Variants in OR5H1 observed in about 807,000 individuals in gnomAD.
The protein encoded by OR5H1 is olfactory receptor family 5 subfamily H member 1.
For missense variants in OR5H1, 378 were observed against 366.8 expected (o/e 1.03, Z -0.25); for synonymous variants, 124 against 134.4 (o/e 0.92, Z 0.54).
Position 98,133,855 on chromosome 3 carries a change from G to A in OR5H1, c.*216G>A. On this transcript the variant is annotated 3_prime_UTR_variant, in exon 2 of 2. Transcript: ENST00000641874. ...TGTTCATAATAGAATAATGACTGTA[G>A]AAATCAAATAAAACTATTTAACAGT... 1 of 449,116 alleles carries A rather than the reference G, an allele frequency of 2.2e-6. No individual in the cohort carries two copies. 27.8% of individuals were successfully genotyped at this position (449,116 alleles called of 1,614,324 possible).
At position 98,132,852 on chromosome 3, in the gene OR5H1, A is replaced by G. The variant is rs1217074465; in HGVS notation, c.155A>G (p.Asp52Gly). The stretch of plus-strand genomic sequence containing the variant: ...GGTCTGATTGCTGTCATCTGGAAAG[A>G]CCCTCACCTTCATATCCCAATGTAC... ...NLGLIAVIWK[D>G]PHLHIPMYLL... is the part of the protein sequence containing the mutation. Residue 52 changes from aspartate (D) to glycine (G), a missense_variant, in exon 2 of 2, where the codon GAC becomes GGC. By Grantham distance (94) the Asp-to-Gly change is moderately conservative. Transcript: ENST00000641874. 1.2e-6 allele frequency: 2 copies of G among 1,613,350 alleles called. No homozygotes were observed. The highest frequency in any genetic ancestry group is 4.5e-5 in the East Asian group (2 of 44,856).
chr3:98,132,531 G>T, intron 1 of OR5H1, 149 bp from the exon 2 acceptor site: 2 of 854,672 alleles, frequency 2.3e-6, no homozygotes, highest in South Asian at 3.7e-5. Context: ...TGTCTTTATT[G>T]CAACAAATAG....
At chr3:98,130,890 A>G (rs1708248693) in intron 1 of OR5H1, 40 bp downstream of exon 1, 1 of 152,120 alleles carries the variant, frequency 6.6e-6, no homozygotes, top group African/African-American at 2.4e-5. Context: ...ATTATAATTT[A>G]TAGAAATGTT....
Position 98,133,047 on chromosome 3 carries a change from C to T in OR5H1, c.350C>T (p.Thr117Met), listed in dbSNP as rs774249225. 1.5e-5 allele frequency: 24 copies of T among 1,613,588 alleles called. No individual in the cohort carries two copies. The highest frequency in any genetic ancestry group is 3.3e-5 in the South Asian group (3 of 91,066). ...SVTTECFLLATMAYDRYVAIC... is the reference protein window; with the variant it reads ...SVTTECFLLAMMAYDRYVAIC... ...ACCACGGAATGTTTTCTCTTGGCAA[C>T]GATGGCATATGATCGCTATGTAGCC... The change falls in exon 2 of 2, where the codon ACG becomes ATG. Residue 117 changes from threonine to methionine, a missense_variant. By Grantham distance (81) the Thr-to-Met change is moderately conservative. Transcript: ENST00000641874.
In OR5H1 at chr3:98,136,938, A is replaced by G. The variant is rs1708326298; in HGVS notation, c.*3299A>G. 6.6e-6 allele frequency: 1 copy of G among 152,198 alleles called. No individual in the cohort carries two copies. 9.4% of individuals were successfully genotyped at this position (152,198 alleles called of 1,614,324 possible). ...AACACCTTTTACTTATAAATTACCC[A>G]GCCTCAAGAATTTCTTTATTGCAAC... On this transcript the variant is annotated 3_prime_UTR_variant, in exon 2 of 2. Coordinates refer to ENST00000641874, the MANE Select transcript of OR5H1 (RefSeq NM_001005338.2).
Position 98,136,971 on chromosome 3 carries a change from G to A in OR5H1, c.*3332G>A, listed in dbSNP as rs768391392. 3.3e-5 allele frequency: 5 copies of A among 152,130 alleles called. No homozygotes were observed. The highest frequency in any genetic ancestry group is 7.4e-5 in the Non-Finnish European group (5 of 68,022). The allele number at this position is 152,130 out of a possible 1,614,324, so 9.4% of individuals were successfully genotyped here. On this transcript the variant is annotated 3_prime_UTR_variant, in exon 2 of 2. Coordinates refer to ENST00000641874, the MANE Select transcript of OR5H1 (RefSeq NM_001005338.2). ...GAATTTCTTTATTGCAACACTAAAT[G>A]GAATGAGGCAGGGCTTAATTGGATG...
Position 98,133,526 on chromosome 3 carries a change from T to C in OR5H1, c.829T>C (p.Phe277Leu). 4 of 1,613,366 alleles carry C rather than the reference T, an allele frequency of 2.5e-6. No homozygotes were observed. The highest frequency in any genetic ancestry group is 2.5e-6 in the Non-Finnish European group (3 of 1,179,454). Residue 277 changes from phenylalanine to leucine, a missense_variant, in exon 2 of 2, where the codon TTC becomes CTC. Phe to Leu is a conservative substitution (Grantham distance 22, BLOSUM62 0). Coordinates refer to ENST00000641874, the MANE Select transcript of OR5H1 (RefSeq NM_001005338.2). ...TGATCAAGATATGGTGGAGCCTCTA[T>C]TCTACACTGTCATCATTCCTTTGTT... is the stretch of plus-strand genomic sequence containing the variant. ...ADDQDMVEPL[F>L]YTVIIPLLNP... is the part of the protein sequence containing the mutation.
In OR5H1 at chr3:98,136,814, C is replaced by G. The variant is rs1012866717; in HGVS notation, c.*3175C>G. On this transcript the variant is annotated 3_prime_UTR_variant, in exon 2 of 2. Transcript: ENST00000641874. ...GTGATCACCACACTTGCCAGCTCCA[C>G]TTCGCCTGCTGTCATGAGTGAAGTA... The G allele has an allele frequency of 1.3e-5, 2 of 152,192 alleles. No individual in the cohort carries two copies. Among genetic ancestry groups the G allele is most frequent in the Non-Finnish European group, 2.9e-5 (2 of 68,052 alleles). 9.4% of individuals were successfully genotyped at this position (152,192 alleles called of 1,614,324 possible). A position where few individuals can be genotyped will look rare whatever the true frequency, so the allele number is the denominator to read the frequency against.
Position 98,133,390 on chromosome 3 carries a change from T to C in OR5H1, c.693T>C (p.Asp231=), listed in dbSNP as rs141861694. Residue 231 remains aspartate (D), a synonymous_variant, in exon 2 of 2, where the codon GAT becomes GAC. Transcript: ENST00000641874. ...TCGCAATCTTAAAAAAGAAATCTGA[T>C]AAAGGTGTAAGGAAAGCCTTTTCCA... ...VLFAILKKKS[D]KGVRKAFSTC... 6.2e-7 allele frequency: 1 copy of C among 1,613,160 alleles called. No homozygotes were observed. The highest frequency in any genetic ancestry group is 2.2e-5 in the East Asian group (1 of 44,836).
At chr3:98,132,354 C>A (rs568912400) in intron 1 of OR5H1, among the ~76,000 whole-genome samples, 5 of 151,958 alleles carry the variant, frequency 3.3e-5, no homozygotes, top group African/African-American at 1.2e-4. Context: ...TAATTCAGAC[C>A]GTACAAAAAT....
At position 98,134,268 on chromosome 3, in the gene OR5H1, C is replaced by G. The variant is rs1387506634; in HGVS notation, c.*629C>G. ...GTATGAGTAAGAAGAGGCAAGCTGC[C>G]TCTCACTTTCTAGGATGGCTTCTAA... On this transcript the variant is annotated 3_prime_UTR_variant, in exon 2 of 2. Transcript: ENST00000641874. The G allele has an allele frequency of 3.3e-5, 5 of 152,082 alleles. No homozygotes were observed. The highest frequency in any genetic ancestry group is 2.0e-4 in the Admixed American group (3 of 15,244). The allele number at this position is 152,082 out of a possible 1,614,324, so 9.4% of individuals were successfully genotyped here.
intron 1 of OR5H1, among the ~76,000 whole-genome samples, chr3:98,131,636 T>G (rs1708255850): frequency 6.6e-6 from 1 of 152,096 alleles, no homozygotes; most frequent in Non-Finnish European, 1.5e-5. Flanking sequence ...TTGCCATTCC[T>G]TTTGGTTCTG....
At chr3:98,131,148 GA>G (rs1708251601) in intron 1 of OR5H1, among the ~76,000 whole-genome samples, 1 of 151,932 alleles carries the variant, frequency 6.6e-6, no homozygotes. Flanking sequence ...AGATAATAAT[GA>G]TTCTTAGAAT....
chr3:98,133,129 A>G lies in OR5H1; in HGVS notation c.432A>G (p.Leu144=), dbSNP rs377130730. ...AIMTNGLCIR[L]LILSYVGGIL... ...TGACCAATGGACTGTGCATCCGGCT[A>G]TTAATCTTGTCATATGTAGGTGGTA... The change falls in exon 2 of 2, where the codon CTA becomes CTG. Residue 144 remains leucine (L), a synonymous_variant. Coordinates refer to ENST00000641874, the MANE Select transcript of OR5H1 (RefSeq NM_001005338.2). The G allele has an allele frequency of 1.8e-4, 293 of 1,613,488 alleles. 1 individual carries two copies. Among genetic ancestry groups the G allele is most frequent in the Middle Eastern group, 1.4e-3 (8 of 5,916 alleles).
At position 98,136,691 on chromosome 3, in the gene OR5H1, A is replaced by C. The variant is rs1303904401; in HGVS notation, c.*3052A>C. 6.6e-6 allele frequency: 1 copy of C among 152,112 alleles called. No homozygotes were observed. The highest frequency in any genetic ancestry group is 1.5e-5 in the Non-Finnish European group (1 of 68,028). 9.4% of individuals were successfully genotyped at this position (152,112 alleles called of 1,614,324 possible). A position where few individuals can be genotyped will look rare whatever the true frequency, so the allele number is the denominator to read the frequency against. The stretch of plus-strand genomic sequence containing the variant: ...ATGAATGCCTTGGTGCCATCATCAT[A>C]GTAATAAGCATGTTCTTACTGTCTT... On this transcript the variant is annotated 3_prime_UTR_variant, in exon 2 of 2. Transcript: ENST00000641874.
Position 98,134,606 on chromosome 3 carries a change from A to T in OR5H1, c.*967A>T, listed in dbSNP as rs1489704963. 1 of 152,150 alleles carries T rather than the reference A, an allele frequency of 6.6e-6. No homozygotes were observed. Among genetic ancestry groups the T allele is most frequent in the Non-Finnish European group, 1.5e-5 (1 of 67,994 alleles). 9.4% of individuals were successfully genotyped at this position (152,150 alleles called of 1,614,324 possible). On this transcript the variant is annotated 3_prime_UTR_variant, in exon 2 of 2. Transcript: ENST00000641874. ...AGCAAGAGGAAGCAAAAACAAAAAA[A>T]TGAGGTAAGATTTTGGAGATTTTTT...
chr3:98,132,988 C>A lies in OR5H1; in HGVS notation c.291C>A (p.Cys97Ter). 1 of 1,613,570 alleles carries A rather than the reference C, an allele frequency of 6.2e-7. No homozygotes were observed. ...AKSKMISLSE[C>*]KIQFFSFAIS... ...GTAAGATGATATCTCTCTCTGAATG[C>A]AAGATACAGTTTTTTTCGTTTGCAA... Residue 97 changes from cysteine to a stop codon, truncating the protein, a stop_gained, in exon 2 of 2, where the codon TGC (cysteine) becomes TGA (stop). Coordinates refer to ENST00000641874, the MANE Select transcript of OR5H1 (RefSeq NM_001005338.2). LOFTEE classifies it low-confidence loss of function (END_TRUNC).
chr3:98,131,663 T>C (rs548075418), intron 1 of OR5H1, among the ~76,000 whole-genome samples: 38 of 152,188 alleles, frequency 2.5e-4, no homozygotes, highest in Non-Finnish European at 4.3e-4. Flanking sequence ...ACTCCAAGGA[T>C]GCATCATCTT....
In OR5H1 at chr3:98,136,901, G is replaced by A. The variant is rs1017101477; in HGVS notation, c.*3262G>A. 10 of 152,146 alleles carry A rather than the reference G, an allele frequency of 6.6e-5. No individual in the cohort carries two copies. The highest frequency in any genetic ancestry group is 1.2e-4 in the Non-Finnish European group (8 of 68,028). 9.4% of individuals were successfully genotyped at this position (152,146 alleles called of 1,614,324 possible). A position where few individuals can be genotyped will look rare whatever the true frequency, so the allele number is the denominator to read the frequency against. The stretch of plus-strand genomic sequence containing the variant: ...TGTTTTCTGTATAGCCTGCAGAATT[G>A]TTCTCCAAACAAACACCTTTTACTT... On this transcript the variant is annotated 3_prime_UTR_variant, in exon 2 of 2. Transcript: ENST00000641874.
Sources: gnomAD v4.1 joint callset for allele counts (sites outside exome capture counted in the v4.1 genomes callset) on GRCh38, gnomAD v4.1.1 for gene constraint, MANE v1.5 for transcripts, NCBI Gene and HGNC (gene_info 2026-07-23, HGNC 2026-07-21) for gene names.